Variants in RBFOX1 observed in about 807,000 individuals in gnomAD.
The protein encoded by RBFOX1 is RNA binding fox-1 homolog 1.
In RBFOX1, 8 loss-of-function variants were observed where a neutral mutation model predicts 57.7. That is an observed-to-expected ratio of 0.14 (90% CI 0.08 to 0.25). RBFOX1 has a LOEUF of 0.25. RBFOX1 is among the 10% of genes least tolerant of loss of function. RBFOX1 has a pLI of 1.00. For missense variants in RBFOX1, 611 were observed against 548.5 expected, an observed-to-expected ratio of 1.11 and a Z score of -1.14; for synonymous variants, 326 against 222.4, an observed-to-expected ratio of 1.47 and a Z score of -4.15.
At chr16:7,508,326 A>G (rs1015935264) in intron 4 of RBFOX1, among the ~76,000 whole-genome samples, 1 of 152,114 alleles carries the variant, frequency 6.6e-6, no homozygotes, top group Non-Finnish European at 1.5e-5. Context: ...GTTATTCCCT[A>G]GGACATTAAT....
intron 3 of RBFOX1, among the ~76,000 whole-genome samples, chr16:7,001,957 G>C (rs1305438293): frequency 6.6e-6 from 1 of 151,948 alleles, no homozygotes; most frequent in Non-Finnish European, 1.5e-5. Context: ...GTTTCTTCTT[G>C]TGCACACGAT....
intron 11 of RBFOX1, among the ~76,000 whole-genome samples, chr16:7,650,357 G>A (rs1386681549): frequency 6.7e-6 from 1 of 149,970 alleles, no homozygotes; most frequent in Non-Finnish European, 1.5e-5. Flanking sequence ...CTTCCAGGAA[G>A]GCACTATTTA....
intron 4 of RBFOX1, among the ~76,000 whole-genome samples, chr16:7,264,271 A>C (rs189456317): frequency 6.6e-6 from 1 of 152,198 alleles, no homozygotes; most frequent in Non-Finnish European, 1.5e-5. Flanking sequence ...AAAAAACAAA[A>C]TTGGTAAACT....
chr16:6,280,997 A>G (rs1006526704), intron 1 of RBFOX1, among the ~76,000 whole-genome samples: 10 of 150,860 alleles, frequency 6.6e-5, no homozygotes, highest in African/African-American at 2.2e-4. Flanking sequence ...GTGTGTGTGT[A>G]TATATGTATA....
At chr16:6,367,876 C>T (rs1040979734) in intron 2 of RBFOX1, among the ~76,000 whole-genome samples, 3 of 152,154 alleles carry the variant, frequency 2.0e-5, no homozygotes, top group Admixed American at 6.5e-5. Context: ...TTGCCTAAAT[C>T]GTCAACTCCT....
At chr16:5,475,868 C>T (rs748045233) in intron 2 of RBFOX1, among the ~76,000 whole-genome samples, 16 of 152,276 alleles carry the variant, frequency 1.1e-4, no homozygotes, top group African/African-American at 2.9e-4. Flanking sequence ...TACAGTGGCA[C>T]GATCATAGCC....
intron 1 of RBFOX1, among the ~76,000 whole-genome samples, chr16:6,281,952 C>T (rs2076419262): frequency 1.3e-5 from 2 of 152,150 alleles, no homozygotes; most frequent in Non-Finnish European, 2.9e-5. Flanking sequence ...TTAGGCCGTA[C>T]TGCACACCAG....
intron 5 of RBFOX1, among the ~76,000 whole-genome samples, chr16:7,558,502 T>C (rs2089421931): frequency 6.6e-6 from 1 of 152,148 alleles, no homozygotes; most frequent in Non-Finnish European, 1.5e-5. Context: ...TATTTTCGTA[T>C]ATGTATATAC....
intron 3 of RBFOX1, among the ~76,000 whole-genome samples, chr16:6,859,336 G>A (rs1405294413): frequency 6.6e-6 from 1 of 151,210 alleles, no homozygotes; most frequent in Non-Finnish European, 1.5e-5. Context: ...ATAAGAAAGA[G>A]TCAAAAATTC....
chr16:6,025,388 C>T (rs1277107100), intron 1 of RBFOX1, among the ~76,000 whole-genome samples: 2 of 152,168 alleles, frequency 1.3e-5, no homozygotes, highest in Admixed American at 6.5e-5. Flanking sequence ...ACCTCATTTT[C>T]CAGTAATGTT....
chr16:7,484,034 A>G (rs1027657052), intron 4 of RBFOX1, among the ~76,000 whole-genome samples: 2 of 152,162 alleles, frequency 1.3e-5, no homozygotes, highest in Non-Finnish European at 2.9e-5. Context: ...GCAAGTATTA[A>G]TCAGCTTTCT....
exon 1 of RBFOX1, chr16:5,239,954 G>A: frequency 1.3e-6 from 2 of 1,527,308 alleles, no homozygotes; most frequent in African/African-American, 1.4e-5. Flanking sequence ...CGGCCCAGGA[G>A]GGAGGAGGAC....
chr16:5,693,853 T>C (rs966336025), intron 3 of RBFOX1, among the ~76,000 whole-genome samples: 19 of 152,224 alleles, frequency 1.2e-4, no homozygotes, highest in African/African-American at 3.9e-4. Flanking sequence ...GTGACAGTTT[T>C]CCTGATCTAG....
chr16:5,782,936 CT>C (rs904880576), intron 3 of RBFOX1, among the ~76,000 whole-genome samples: 1 of 152,130 alleles, frequency 6.6e-6, no homozygotes. Context: ...TATGTAGGCC[CT>C]CCATGGATTG....
At chr16:7,408,453 T>C (rs1322406021) in intron 4 of RBFOX1, among the ~76,000 whole-genome samples, 2 of 152,212 alleles carry the variant, frequency 1.3e-5, no homozygotes, top group Non-Finnish European at 2.9e-5. Context: ...TCTGAAAATA[T>C]TCCGTAAATA....
chr16:7,020,499 G>C (rs753522516), intron 3 of RBFOX1, among the ~76,000 whole-genome samples: 5 of 152,104 alleles, frequency 3.3e-5, no homozygotes, highest in African/African-American at 1.2e-4. Flanking sequence ...GATTTCAGGC[G>C]TCAGCCACCG....
chr16:5,449,416 G>C (rs979783061), intron 1 of RBFOX1, among the ~76,000 whole-genome samples: 3 of 152,098 alleles, frequency 2.0e-5, no homozygotes, highest in African/African-American at 7.2e-5. Context: ...CTCAGTTTCT[G>C]TTTATGTATA....
At chr16:7,089,954 T>G (rs947306715) in intron 4 of RBFOX1, among the ~76,000 whole-genome samples, 4 of 152,040 alleles carry the variant, frequency 2.6e-5, no homozygotes, top group Non-Finnish European at 5.9e-5. Flanking sequence ...AACAGCTGGA[T>G]GCAGGCTGTT....
chr16:7,687,374 C>A (rs988182889), intron 14 of RBFOX1, among the ~76,000 whole-genome samples: 2 of 151,986 alleles, frequency 1.3e-5, no homozygotes, highest in African/African-American at 4.8e-5. Context: ...AGCTTCCAGA[C>A]AGGCAAGTCC....
Sources: gnomAD v4.1 joint callset for allele counts (sites outside exome capture counted in the v4.1 genomes callset) on GRCh38, gnomAD v4.1.1 for gene constraint, MANE v1.5 for transcripts, NCBI Gene and HGNC (gene_info 2026-07-23, HGNC 2026-07-21) for gene names.